The following FHIT variants were observed in gnomAD, a reference collection of about 807,000 sequenced individuals.
FHIT encodes fragile histidine triad diadenosine triphosphatase, also known as bis(5'-adenosyl)-triphosphatase.
A neutral mutation model predicts 17.9 loss-of-function variants in FHIT; 19 were observed. That is an observed-to-expected ratio of 1.06 (90% CI 0.74 to 1.56). The LOEUF (loss-of-function observed/expected upper bound fraction) is 1.56, where lower values mean the gene tolerates loss of function less well. FHIT is among the 40% of genes most tolerant of loss of function. The probability of loss-of-function intolerance (pLI) is 0.00; values close to 1 mark genes in which losing one functional copy is unlikely to be tolerated. For missense variants in FHIT, 248 were observed against 189.2 expected, an observed-to-expected ratio of 1.31 and a Z score of -1.82; for synonymous variants, 81 against 69.7, an observed-to-expected ratio of 1.16 and a Z score of -0.81.
chr3:60,360,397 G>A (rs76006008), intron 5 of FHIT, among the ~76,000 whole-genome samples: 1 of 151,990 alleles, frequency 6.6e-6, no homozygotes, highest in Non-Finnish European at 1.5e-5. Flanking sequence ...AAGGCACTGG[G>A]GCCAATAATG....
chr3:60,256,528 T>G (rs1706002922), intron 5 of FHIT, among the ~76,000 whole-genome samples: 1 of 152,232 alleles, frequency 6.6e-6, no homozygotes, highest in Non-Finnish European at 1.5e-5. Flanking sequence ...TACGCCATTT[T>G]GTAGATGAGC....
At chr3:60,532,314 T>C (rs934319687) in intron 5 of FHIT, among the ~76,000 whole-genome samples, 3 of 152,180 alleles carry the variant, frequency 2.0e-5, no homozygotes, top group Non-Finnish European at 2.9e-5. Flanking sequence ...AATAATTTTA[T>C]TTACAATGAA....
intron 5 of FHIT, among the ~76,000 whole-genome samples, chr3:60,307,957 G>A (rs1708758595): frequency 6.6e-6 from 1 of 152,136 alleles, no homozygotes; most frequent in Non-Finnish European, 1.5e-5. Context: ...ACTATGCAGT[G>A]AGCACTGTGC....
intron 5 of FHIT, among the ~76,000 whole-genome samples, chr3:60,155,374 G>C (rs1700637133): frequency 6.6e-6 from 1 of 152,094 alleles, no homozygotes; most frequent in Non-Finnish European, 1.5e-5. Context: ...GCAAAAACAG[G>C]ACACTATTCC....
At chr3:60,450,021 A>C (rs900121788) in intron 5 of FHIT, among the ~76,000 whole-genome samples, 4 of 141,032 alleles carry the variant, frequency 2.8e-5, no homozygotes, top group Non-Finnish European at 6.1e-5. Context: ...AAAAAAAAAA[A>C]AGGCATAAAA....
chr3:61,038,850 T>C (rs992627576), intron 3 of FHIT, among the ~76,000 whole-genome samples: 4 of 152,180 alleles, frequency 2.6e-5, no homozygotes, highest in African/African-American at 9.7e-5. Context: ...ATGCAGGGTC[T>C]CTTATAACTG....
At chr3:59,905,586 C>T (rs1242037071) in intron 8 of FHIT, among the ~76,000 whole-genome samples, 1 of 152,128 alleles carries the variant, frequency 6.6e-6, no homozygotes, top group Non-Finnish European at 1.5e-5. Context: ...TAACAATAAA[C>T]TCAGATTTTA....
chr3:60,934,099 A>G (rs531748266), intron 3 of FHIT, among the ~76,000 whole-genome samples: 2 of 152,312 alleles, frequency 1.3e-5, no homozygotes, highest in South Asian at 2.1e-4. Context: ...GCAATCTGCA[A>G]TAAACCTATT....
intron 5 of FHIT, among the ~76,000 whole-genome samples, chr3:60,253,391 G>A (rs190112905): frequency 6.6e-6 from 1 of 152,280 alleles, no homozygotes; most frequent in Admixed American, 6.5e-5. Context: ...GGGATGATGT[G>A]AAATGAAACA....
intron 5 of FHIT, among the ~76,000 whole-genome samples, chr3:60,499,579 G>A (rs2034439940): frequency 6.6e-6 from 1 of 152,094 alleles, no homozygotes; most frequent in Non-Finnish European, 1.5e-5. Flanking sequence ...CTTTAGTAGA[G>A]ACGGGGTTTC....
chr3:61,221,627 C>A (rs1384207408), intron 1 of FHIT, among the ~76,000 whole-genome samples: 3 of 152,228 alleles, frequency 2.0e-5, no homozygotes, highest in African/African-American at 7.2e-5. Flanking sequence ...GAGTGACTGT[C>A]AGTACCTTAC....
intron 3 of FHIT, among the ~76,000 whole-genome samples, chr3:60,899,253 G>C (rs1553762616): frequency 6.6e-6 from 1 of 152,148 alleles, no homozygotes; most frequent in African/African-American, 2.4e-5. Flanking sequence ...TCAAAGCCTG[G>C]AGTGGTATAT....
rs1347349767 is a variant in FHIT, at chr3:60,035,122, T to C, written c.104-20970A>G. On this transcript the variant is annotated intron_variant, in intron 5 of 9. Coordinates refer to ENST00000492590, the MANE Select transcript of FHIT (RefSeq NM_002012.4). ...TCTGCTTATGACGGGGAGAGTCTCC[T>C]CAGCCCAGTAAAAATGAGCTTAGCG... Among the ~76,000 whole-genome samples, 3 of 152,320 alleles carry C rather than the reference T, an allele frequency of 2.0e-5. No homozygotes were observed. In the East Asian group the frequency reaches 5.8e-4, roughly 29 times the overall value.
In FHIT at chr3:60,865,978, A is replaced by C. The variant is rs187725275; in HGVS notation, c.-110-43967T>G. Among the ~76,000 whole-genome samples the C allele has an allele frequency of 2.4e-3, 364 of 152,240 alleles. 2 individuals are homozygous for C. Among genetic ancestry groups the C allele is most frequent in the African/African-American group, 8.3e-3 (345 of 41,560 alleles). On this transcript the variant is annotated intron_variant, in intron 3 of 9. Coordinates refer to ENST00000492590, the MANE Select transcript of FHIT (RefSeq NM_002012.4). ...ATGGTCAAAATCCTCCTGTTCTAGCAGTAGCTAAGAAGTGACTCGGGGAAG... is the reference window on the plus strand; with the variant it reads ...ATGGTCAAAATCCTCCTGTTCTAGCCGTAGCTAAGAAGTGACTCGGGGAAG...
chr3:59,808,594 A>G (rs1575529958), intron 8 of FHIT, among the ~76,000 whole-genome samples: 1 of 152,182 alleles, frequency 6.6e-6, no homozygotes, highest in East Asian at 1.9e-4. Flanking sequence ...TGCCTGACAC[A>G]CTGCAGACAA....
At chr3:59,758,964 A>G (rs1165471443) in intron 8 of FHIT, among the ~76,000 whole-genome samples, 1 of 152,098 alleles carries the variant, frequency 6.6e-6, no homozygotes, top group Non-Finnish European at 1.5e-5. Flanking sequence ...ATGGGAGTCA[A>G]AATAATTTCA....
At chr3:60,296,312 G>A (rs538147555) in intron 5 of FHIT, among the ~76,000 whole-genome samples, 1 of 152,102 alleles carries the variant, frequency 6.6e-6, no homozygotes, top group African/African-American at 2.4e-5. Context: ...CAACACGAAA[G>A]GAATCATTTT....
intron 2 of FHIT, among the ~76,000 whole-genome samples, chr3:61,155,945 C>T (rs1242470131): frequency 6.6e-6 from 1 of 152,174 alleles, no homozygotes; most frequent in Admixed American, 6.5e-5. Flanking sequence ...TGCTTTCCTT[C>T]TGGGAGTCTA....
intron 2 of FHIT, among the ~76,000 whole-genome samples, chr3:61,045,981 T>C (rs58260595): frequency 6.6e-6 from 1 of 151,874 alleles, no homozygotes; most frequent in African/African-American, 2.4e-5. Flanking sequence ...CTGGGACACA[T>C]TCAAAGTAGT....
Sources: allele counts gnomAD v4.1 joint callset (sites outside exome capture counted in the v4.1 genomes callset), GRCh38; gene constraint gnomAD v4.1.1; transcripts MANE v1.5; gene names NCBI Gene and HGNC (gene_info 2026-07-23, HGNC 2026-07-21).